PRKCQ: variants seen among roughly 807,000 people sequenced by gnomAD.
The protein encoded by PRKCQ is protein kinase C theta type.
Under a neutral mutation model 91.2 loss-of-function variants are expected in PRKCQ, and 41 were observed. The observed-to-expected ratio is 0.45, with a 90% CI of 0.35 to 0.58. The LOEUF is 0.58. Ranked by LOEUF, PRKCQ falls within the 20% of genes least tolerant of loss-of-function variation. The pLI is 0.00. For synonymous variants in PRKCQ, 307 were observed against 316.9 expected (o/e 0.97, Z 0.33); for missense variants, 673 against 896.5 (o/e 0.75, Z 3.18).
At chr10:6,429,162 A>T (rs534256883) in intron 17 of PRKCQ, among the ~76,000 whole-genome samples, 1 of 152,344 alleles carries the variant, frequency 6.6e-6, no homozygotes, top group African/African-American at 2.4e-5. Context: ...GGCAGCTCAG[A>T]CCACAGGTCA....
chr10:6,416,841 A>G, the PRKCQ span, among the ~76,000 whole-genome samples: 4 of 152,176 alleles, frequency 2.6e-5, no homozygotes, highest in Non-Finnish European at 4.4e-5. Flanking sequence ...GCAGCGTAAA[A>G]GTGTTGTCTT....
the PRKCQ span, among the ~76,000 whole-genome samples, chr10:6,409,671 A>G: frequency 6.6e-6 from 1 of 152,312 alleles, no homozygotes; most frequent in South Asian, 2.1e-4. Context: ...GAACTTTCAA[A>G]TGACACAGTT....
At chr10:6,436,946 T>C (rs1388449185) in intron 16 of PRKCQ, among the ~76,000 whole-genome samples, 1 of 152,158 alleles carries the variant, frequency 6.6e-6, no homozygotes, top group East Asian at 1.9e-4. Context: ...CAAGGTAGGC[T>C]GGGTTTGTGA....
intron 4 of PRKCQ, among the ~76,000 whole-genome samples, chr10:6,506,792 C>T (rs886613631): frequency 1.3e-5 from 2 of 152,168 alleles, no homozygotes; most frequent in African/African-American, 4.8e-5. Context: ...AGTAAGTTTA[C>T]ATGTCCATGC....
chr10:6,496,291 A>T (rs1019485332), intron 7 of PRKCQ, among the ~76,000 whole-genome samples: 3 of 152,096 alleles, frequency 2.0e-5, no homozygotes, highest in African/African-American at 4.8e-5. Flanking sequence ...ATAAATTTTT[A>T]AAAATTTAAA....
chr10:6,566,041 C>T (rs1840824641), intron 1 of PRKCQ, among the ~76,000 whole-genome samples: 1 of 152,176 alleles, frequency 6.6e-6, no homozygotes, highest in South Asian at 2.1e-4. Flanking sequence ...ACCTTATATT[C>T]CAGAAACATA....
At chr10:6,530,914 C>T (rs59041753) in intron 1 of PRKCQ, among the ~76,000 whole-genome samples, 5,730 of 152,238 alleles carry the variant, frequency 0.038, 316 homozygotes, top group African/African-American at 0.11. Context: ...TCTATTTTTC[C>T]TCCTCACTGT....
intron 1 of PRKCQ, among the ~76,000 whole-genome samples, chr10:6,517,494 G>A (rs1171118338): frequency 6.8e-6 from 1 of 146,572 alleles, no homozygotes; most frequent in African/African-American, 2.5e-5. Context: ...ATTGACAGTA[G>A]CTCTACGATC....
intron 13 of PRKCQ, among the ~76,000 whole-genome samples, chr10:6,463,754 G>A (rs1392045446): frequency 6.6e-6 from 1 of 152,170 alleles, no homozygotes; most frequent in Non-Finnish European, 1.5e-5. Flanking sequence ...AGCAGGAAGT[G>A]GGACCCAAAG....
At chr10:6,579,220 A>G (rs577721029) in intron 1 of PRKCQ, among the ~76,000 whole-genome samples, 38 of 152,316 alleles carry the variant, frequency 2.5e-4, no homozygotes, top group African/African-American at 8.4e-4. Flanking sequence ...AACGTCAAGG[A>G]CTTGGACACC....
chr10:6,452,902 C>T (rs1215250663), intron 15 of PRKCQ, among the ~76,000 whole-genome samples: 8 of 140,578 alleles, frequency 5.7e-5, no homozygotes, highest in Non-Finnish European at 1.2e-4. Context: ...CCCTTCCTTA[C>T]ACCTTATACA....
chr10:6,435,988 C>T (rs1226352034), intron 16 of PRKCQ, among the ~76,000 whole-genome samples: 3 of 152,180 alleles, frequency 2.0e-5, no homozygotes, highest in African/African-American at 7.2e-5. Context: ...GTGGCATGCA[C>T]CTGTAGTCCC....
chr10:6,546,053 G>A (rs945425286), intron 1 of PRKCQ, among the ~76,000 whole-genome samples: 3 of 152,110 alleles, frequency 2.0e-5, no homozygotes, highest in Non-Finnish European at 4.4e-5. Flanking sequence ...TGTGTTACGC[G>A]TATTCTAGCA....
chr10:6,435,718 C>CA (rs901549091), intron 16 of PRKCQ, among the ~76,000 whole-genome samples: 2 of 152,130 alleles, frequency 1.3e-5, no homozygotes, highest in African/African-American at 2.4e-5. Context: ...ACAAAAATCA[C>CA]AAAAAATGTC....
At chr10:6,551,283 C>T (rs1401022033) in intron 1 of PRKCQ, among the ~76,000 whole-genome samples, 1 of 152,108 alleles carries the variant, frequency 6.6e-6, no homozygotes, top group South Asian at 2.1e-4. Context: ...TGTTAGTTTG[C>T]TAAGGATAAT....
At chr10:6,462,538 G>C (rs1226516226) in intron 13 of PRKCQ, among the ~76,000 whole-genome samples, 173 bp from the exon 14 acceptor site, 1 of 152,140 alleles carries the variant, frequency 6.6e-6, no homozygotes, top group Non-Finnish European at 1.5e-5. Context: ...ACATAAGAAA[G>C]TAGAGGCTCA....
chr10:6,557,578 A>T (rs1840469764), intron 1 of PRKCQ, among the ~76,000 whole-genome samples: 1 of 151,918 alleles, frequency 6.6e-6, no homozygotes, highest in African/African-American at 2.4e-5. Flanking sequence ...TTTTAAACCA[A>T]CATTTCTGGT....
At chr10:6,457,602 G>T (rs1199859051) in intron 14 of PRKCQ, among the ~76,000 whole-genome samples, 1 of 152,116 alleles carries the variant, frequency 6.6e-6, no homozygotes, top group Non-Finnish European at 1.5e-5. Context: ...AAACATTCTG[G>T]CCTCTACCTT....
chr10:6,420,596 G>A, the PRKCQ span, among the ~76,000 whole-genome samples: 41 of 152,114 alleles, frequency 2.7e-4, no homozygotes, highest in African/African-American at 9.9e-4. Flanking sequence ...TAATTTTTTT[G>A]AGAAATTGGT....
Sources: gnomAD v4.1 joint callset for allele counts (sites outside exome capture counted in the v4.1 genomes callset) on GRCh38, gnomAD v4.1.1 for gene constraint, MANE v1.5 for transcripts, NCBI Gene and HGNC (gene_info 2026-07-23, HGNC 2026-07-21) for gene names.